Variants in ABLIM3 observed in about 807,000 individuals in gnomAD.
ABLIM3 encodes actin-binding LIM protein 3.
Under a neutral mutation model 109.5 loss-of-function variants are expected in ABLIM3, and 61 were observed. The observed-to-expected ratio is 0.56, with a 90% CI of 0.45 to 0.69. The LOEUF (loss-of-function observed/expected upper bound fraction) is 0.69. Among genes scored for constraint, ABLIM3 ranks in the 30% least tolerant of loss-of-function variants. The pLI is 0.00. For missense variants in ABLIM3, 796 were observed against 889.5 expected (o/e 0.89, Z 1.34); for synonymous variants, 300 against 324.8 (o/e 0.92, Z 0.82).
intron 2 of ABLIM3, among the ~76,000 whole-genome samples, chr5:149,165,034 T>C (rs1754699842): frequency 6.6e-6 from 1 of 152,218 alleles, no homozygotes; most frequent in Admixed American, 6.5e-5. Context: ...CACATTTCAT[T>C]CCAAACATAG....
intron 3 of ABLIM3, among the ~76,000 whole-genome samples, chr5:149,197,274 C>G (rs946669556): frequency 6.6e-6 from 1 of 152,156 alleles, no homozygotes; most frequent in African/African-American, 2.4e-5. Flanking sequence ...AGCCTTTACA[C>G]AAATATCACT....
At chr5:149,177,910 T>C (rs1660777696) in intron 2 of ABLIM3, among the ~76,000 whole-genome samples, 1 of 152,204 alleles carries the variant, frequency 6.6e-6, no homozygotes. Flanking sequence ...TCAGTTATTC[T>C]TACTCTAGAG....
chr5:149,189,180 T>A (rs1324898086), intron 3 of ABLIM3, among the ~76,000 whole-genome samples: 1 of 152,172 alleles, frequency 6.6e-6, no homozygotes, highest in Non-Finnish European at 1.5e-5. Flanking sequence ...TCACACTCTT[T>A]CTTTACACAT....
chr5:149,225,134 GGAAAT>G (rs753610206), intron 8 of ABLIM3, among the ~76,000 whole-genome samples: 3 of 152,130 alleles, frequency 2.0e-5, no homozygotes, highest in Non-Finnish European at 2.9e-5. Flanking sequence ...GAGAGGAGTG[GGAAAT>G]TTTTTATGTT....
intron 6 of ABLIM3, among the ~76,000 whole-genome samples, chr5:149,210,398 C>T (rs1042591735): frequency 2.6e-5 from 4 of 152,142 alleles, no homozygotes; most frequent in African/African-American, 4.8e-5. Flanking sequence ...TCAAAGAGCC[C>T]GGCGCACACC....
chr5:149,176,006 C>T lies in ABLIM3; in HGVS notation c.14-7446C>T, dbSNP rs1371235616. Among the ~76,000 whole-genome samples, 4 of 152,326 alleles carry T rather than the reference C, an allele frequency of 2.6e-5. No individual in the cohort carries two copies. The East Asian group carries it at 7.7e-4, about 29-fold the overall frequency. On this transcript the variant is annotated intron_variant, in intron 2 of 23. Coordinates refer to ENST00000309868, the MANE Select transcript of ABLIM3 (RefSeq NM_014945.5). ...GTTGCAGCAAAGGTTTTACAACATCCTCCTGGGAAGACAGGCTGTGTTACT... is the reference window on the plus strand; with the variant it reads ...GTTGCAGCAAAGGTTTTACAACATCTTCCTGGGAAGACAGGCTGTGTTACT...
intron 3 of ABLIM3, among the ~76,000 whole-genome samples, chr5:149,197,876 A>G (rs567720709): frequency 6.6e-6 from 1 of 152,320 alleles, no homozygotes; most frequent in East Asian, 1.9e-4. Flanking sequence ...GGGTGAGGGA[A>G]TGCTGTTCAA....
chr5:149,167,813 TACC>T (rs1258666357), intron 2 of ABLIM3, among the ~76,000 whole-genome samples: 1 of 151,744 alleles, frequency 6.6e-6, no homozygotes, highest in Non-Finnish European at 1.5e-5. Flanking sequence ...CAACAGAGAG[TACC>T]CAGGACTATG....
chr5:149,170,745 T>G (rs1455282383), intron 2 of ABLIM3, among the ~76,000 whole-genome samples: 1 of 152,226 alleles, frequency 6.6e-6, no homozygotes, highest in African/African-American at 2.4e-5. Flanking sequence ...GAATGATGCT[T>G]TGTTTCCTAA....
chr5:149,149,608 G>A (rs571630179), intron 2 of ABLIM3, among the ~76,000 whole-genome samples: 3 of 152,156 alleles, frequency 2.0e-5, no homozygotes, highest in East Asian at 1.9e-4. Context: ...AAAACGTCTC[G>A]GGCCAAAATT....
intron 2 of ABLIM3, among the ~76,000 whole-genome samples, chr5:149,161,792 C>A (rs866048774): frequency 6.6e-6 from 1 of 152,010 alleles, no homozygotes; most frequent in Non-Finnish European, 1.5e-5. Flanking sequence ...TTGTAATAGT[C>A]ATTTTTTCTG....
chr5:149,198,500 T>C lies in ABLIM3; in HGVS notation c.335+98T>C. 1 of 1,398,930 alleles carries C rather than the reference T, an allele frequency of 7.1e-7. No individual in the cohort carries two copies. The allele number at this position is 1,398,930 out of a possible 1,614,324, so 86.7% of individuals were successfully genotyped here. On this transcript the variant is annotated intron_variant, in intron 4 of 23. Transcript: ENST00000309868. The surrounding 1 kb of genome is among the most constrained non-coding windows in gnomAD (Gnocchi z 4.2). ...CAGGAAGTTCTGGGGTTTACAAGGT[T>C]TGTGCTGCACATTTAGATTTCTGGA...
chr5:149,258,763 C>G lies in ABLIM3; in HGVS notation c.*359C>G. 1.0e-6 allele frequency: 1 copy of G among 1,001,858 alleles called. No individual in the cohort carries two copies. The highest frequency in any genetic ancestry group is 1.2e-6 in the Non-Finnish European group (1 of 841,116). 62.1% of individuals were successfully genotyped at this position (1,001,858 alleles called of 1,614,324 possible). On this transcript the variant is annotated 3_prime_UTR_variant, in exon 24 of 24. Coordinates refer to ENST00000309868, the MANE Select transcript of ABLIM3 (RefSeq NM_014945.5). ...GCTTCGTGGCCCCTTTCTTAAATTT[C>G]TAGGGCTGATGCTGACCATGTGGTT... is the stretch of plus-strand genomic sequence containing the variant.
chr5:149,220,680 A>G (rs531766905), intron 8 of ABLIM3: 25 of 152,318 alleles, frequency 1.6e-4, no homozygotes, highest in African/African-American at 6.0e-4. Context: ...GCTCCTGGGT[A>G]GCTCAGGAGT....
intron 15 of ABLIM3, chr5:149,244,590 G>T (rs1021166917): frequency 3.5e-5 from 15 of 429,258 alleles, no homozygotes; most frequent in Non-Finnish European, 6.5e-5. Flanking sequence ...CATGGAATGT[G>T]CTGGAAAGAG....
Position 149,237,531 on chromosome 5 carries a change from C to A in ABLIM3, c.972C>A (p.Pro324=). Residue 324 remains proline, a synonymous_variant, in exon 11 of 24, where the codon CCC becomes CCA. Coordinates refer to ENST00000309868, the MANE Select transcript of ABLIM3 (RefSeq NM_014945.5). ...KVKSIYEVQR[P]DLISYEPHSR... ...AGTCTATCTACGAGGTACAACGCCC[C>A]GACCTCATTTCCTATGAGCCTCATT... The A allele has an allele frequency of 6.2e-7, 1 of 1,614,202 alleles. No individual in the cohort carries two copies. The highest frequency in any genetic ancestry group is 8.5e-7 in the Non-Finnish European group (1 of 1,180,038).
chr5:149,189,749 T>G (rs1281159473), intron 3 of ABLIM3, among the ~76,000 whole-genome samples: 2 of 152,218 alleles, frequency 1.3e-5, no homozygotes, highest in African/African-American at 2.4e-5. Flanking sequence ...CATACATTGC[T>G]GGTGGAAAGG....
intron 3 of ABLIM3, among the ~76,000 whole-genome samples, chr5:149,184,955 G>A (rs921127215): frequency 1.3e-5 from 2 of 152,030 alleles, no homozygotes; most frequent in African/African-American, 4.8e-5. Flanking sequence ...ATTGAGTATT[G>A]GCAAACCCCT....
intron 14 of ABLIM3, 56 bp downstream of exon 14, chr5:149,240,830 G>A: frequency 8.5e-6 from 13 of 1,531,570 alleles, no homozygotes; most frequent in Non-Finnish European, 1.2e-5. Flanking sequence ...TGGGGTCACA[G>A]GTGCCTGAGT....
Sources: gnomAD v4.1 joint callset for allele counts (sites outside exome capture counted in the v4.1 genomes callset) on GRCh38, gnomAD v4.1.1 for gene constraint, Gnocchi (gnomAD v3.1) non-coding constraint, MANE v1.5 for transcripts, NCBI Gene and HGNC (gene_info 2026-07-23, HGNC 2026-07-21) for gene names.